The following PAK1 variants were observed in gnomAD, a reference collection of about 807,000 sequenced individuals.
The protein encoded by PAK1 is serine/threonine-protein kinase PAK 1.
A neutral mutation model predicts 67.4 loss-of-function variants in PAK1; 29 were observed. The observed-to-expected ratio is 0.43, with a 90% CI of 0.32 to 0.59. PAK1 has a LOEUF of 0.59. Among genes scored for constraint, PAK1 ranks in the 20% least tolerant of loss-of-function variants. The pLI is 0.07. For synonymous variants in PAK1, 223 were observed against 237.4 expected (o/e 0.94, Z 0.56); for missense variants, 337 against 670.7 (o/e 0.50, Z 5.50).
intron 7 of PAK1, among the ~76,000 whole-genome samples, chr11:77,355,280 G>A (rs547841845): frequency 7.9e-5 from 12 of 152,204 alleles, no homozygotes; most frequent in East Asian, 1.9e-4. Context: ...TGGCAGATGC[G>A]TCTTCTCCTA....
chr11:77,517,397 A>G, the PAK1 span, among the ~76,000 whole-genome samples: 6 of 152,362 alleles, frequency 3.9e-5, no homozygotes, highest in East Asian at 1.2e-3. Flanking sequence ...GGGCAGCCCT[A>G]TGCAAACACA....
At chr11:77,337,924 T>C (rs976921524) in intron 11 of PAK1, among the ~76,000 whole-genome samples, 5 of 152,206 alleles carry the variant, frequency 3.3e-5, no homozygotes, top group Non-Finnish European at 5.9e-5. Context: ...TGAAGACAAA[T>C]GTCTGGTAGG....
chr11:77,326,018 G>A (rs1378526635), intron 14 of PAK1, among the ~76,000 whole-genome samples: 1 of 152,118 alleles, frequency 6.6e-6, no homozygotes, highest in South Asian at 2.1e-4. Flanking sequence ...GCCCTGCCCT[G>A]CCCTGCTCTG....
intron 1 of PAK1, among the ~76,000 whole-genome samples, chr11:77,423,874 G>A (rs1309540622): frequency 6.6e-6 from 1 of 152,184 alleles, no homozygotes; most frequent in African/African-American, 2.4e-5. Context: ...CCCACAGGCT[G>A]TAGTCTGATG....
chr11:77,527,188 C>T, the PAK1 span, among the ~76,000 whole-genome samples: 7 of 152,076 alleles, frequency 4.6e-5, no homozygotes, highest in East Asian at 3.9e-4. Flanking sequence ...CTGCAACCTC[C>T]GCCTCCCAGG....
At chr11:77,377,611 C>A (rs1034545620) in intron 4 of PAK1, among the ~76,000 whole-genome samples, 1 of 152,088 alleles carries the variant, frequency 6.6e-6, no homozygotes, top group African/African-American at 2.4e-5. Flanking sequence ...TGGACTTTAT[C>A]TTTGTTCATG....
intron 1 of PAK1, among the ~76,000 whole-genome samples, chr11:77,466,238 A>T (rs3015992): frequency 0.24 from 36,865 of 152,188 alleles, 5,074 homozygotes; most frequent in Non-Finnish European, 0.31. Context: ...ACACATTTAT[A>T]TGACAGCTAA....
chr11:77,464,274 T>C (rs929160098), intron 1 of PAK1, among the ~76,000 whole-genome samples: 1 of 152,336 alleles, frequency 6.6e-6, no homozygotes, highest in African/African-American at 2.4e-5. Flanking sequence ...CCCTCAGTGT[T>C]CTGCATGACT....
At chr11:77,398,869 A>G (rs1277840735) in intron 1 of PAK1, among the ~76,000 whole-genome samples, 3 of 152,242 alleles carry the variant, frequency 2.0e-5, no homozygotes, top group Admixed American at 6.5e-5. Context: ...TGATTAGTTC[A>G]GTCAAATCTA....
chr11:77,519,736 T>C, the PAK1 span, among the ~76,000 whole-genome samples: 2 of 152,232 alleles, frequency 1.3e-5, no homozygotes, highest in African/African-American at 2.4e-5. Flanking sequence ...GAAATGTAGA[T>C]TGCATTGGGA....
At chr11:77,419,386 TA>T (rs1324597169) in intron 1 of PAK1, among the ~76,000 whole-genome samples, 2 of 152,208 alleles carry the variant, frequency 1.3e-5, no homozygotes, top group African/African-American at 4.8e-5. Flanking sequence ...AAATTATTCT[TA>T]TAAGTCATGG....
At chr11:77,507,963 C>G in the PAK1 span, among the ~76,000 whole-genome samples, 1 of 152,220 alleles carries the variant, frequency 6.6e-6, no homozygotes, top group Non-Finnish European at 1.5e-5. Context: ...ATCTCTCCAG[C>G]ACTCCAACAT....
At position 77,389,455 on chromosome 11, in the gene PAK1, G is replaced by A. The variant is rs1189388280; in HGVS notation, c.190+2876C>T. Among the ~76,000 whole-genome samples the A allele has an allele frequency of 3.9e-5, 6 of 152,180 alleles. No individual in the cohort carries two copies. The South Asian group carries it at 1.0e-3, about 26-fold the overall frequency. On this transcript the variant is annotated intron_variant, in intron 2 of 14. Coordinates refer to ENST00000356341, the MANE Select transcript of PAK1 (RefSeq NM_002576.5). Reference sequence around the variant, plus strand: ...AACTGCCAGACTGTTTTCCACAGAGGCTGCACCATTTTACATTCCCACCAG... The same window carrying A: ...AACTGCCAGACTGTTTTCCACAGAGACTGCACCATTTTACATTCCCACCAG...
the PAK1 span, among the ~76,000 whole-genome samples, chr11:77,524,773 C>G: frequency 1.3e-5 from 2 of 152,150 alleles, no homozygotes; most frequent in Non-Finnish European, 2.9e-5. Context: ...CCCACAAGGG[C>G]AAGAATTTTC....
intron 5 of PAK1, among the ~76,000 whole-genome samples, chr11:77,371,210 A>G (rs1948383109): frequency 6.6e-6 from 1 of 152,362 alleles, no homozygotes. Flanking sequence ...TGAACCACAG[A>G]TAACAGAATT....
chr11:77,491,439 G>A, the PAK1 span, among the ~76,000 whole-genome samples: 2 of 152,222 alleles, frequency 1.3e-5, no homozygotes, highest in African/African-American at 4.8e-5. Context: ...TGAGGTAGGA[G>A]GATTGCTTAA....
intron 8 of PAK1, among the ~76,000 whole-genome samples, chr11:77,350,002 A>G (rs1945015711): frequency 6.6e-6 from 1 of 152,162 alleles, no homozygotes; most frequent in South Asian, 2.1e-4. Context: ...ACACTTATGT[A>G]TGCTATCTTT....
the PAK1 span, among the ~76,000 whole-genome samples, chr11:77,511,191 T>C: frequency 6.6e-6 from 1 of 152,168 alleles, no homozygotes; most frequent in African/African-American, 2.4e-5. Context: ...ACCTGACAGC[T>C]CTGCACACAG....
intron 5 of PAK1, among the ~76,000 whole-genome samples, chr11:77,371,025 A>C (rs1948357960): frequency 6.6e-6 from 1 of 152,210 alleles, no homozygotes; most frequent in African/African-American, 2.4e-5. Flanking sequence ...CTATATTATA[A>C]ATCCTTGTTT....
Sources: allele counts gnomAD v4.1 joint callset (sites outside exome capture counted in the v4.1 genomes callset), GRCh38; gene constraint gnomAD v4.1.1; transcripts MANE v1.5; gene names NCBI Gene and HGNC (gene_info 2026-07-23, HGNC 2026-07-21).